RARB: variants seen among roughly 807,000 people sequenced by gnomAD.
RARB encodes the protein HBV-activated protein.
In RARB, 17 loss-of-function variants were observed where a neutral mutation model predicts 51.9. That is an observed-to-expected ratio of 0.33 (90% confidence interval 0.22 to 0.49). RARB has a LOEUF of 0.49. RARB is among the 20% of genes least tolerant of loss of function. RARB has a pLI of 0.99. For synonymous variants in RARB, 215 were observed against 195.4 expected (o/e 1.10, Z -0.84); for missense variants, 369 against 550.8 (o/e 0.67, Z 3.30).
intron 3 of RARB, among the ~76,000 whole-genome samples, chr3:25,102,677 A>G (rs1699427151): frequency 6.6e-6 from 1 of 152,132 alleles, no homozygotes; most frequent in Non-Finnish European, 1.5e-5. Flanking sequence ...TTGCCTCTAA[A>G]TGAGTTATGA....
intron 2 of RARB, among the ~76,000 whole-genome samples, chr3:25,017,179 T>C (rs1697527866): frequency 6.6e-6 from 1 of 152,016 alleles, no homozygotes; most frequent in Non-Finnish European, 1.5e-5. Context: ...AATGTTTGGA[T>C]CCTGGCCTCG....
intron 2 of RARB, among the ~76,000 whole-genome samples, chr3:25,471,197 T>G (rs532540375): frequency 1.3e-5 from 2 of 152,218 alleles, no homozygotes; most frequent in East Asian, 3.9e-4. Context: ...GTCTAGCTCA[T>G]TTCTTAGTAA....
chr3:24,982,945 T>G (rs1468317907), intron 2 of RARB, among the ~76,000 whole-genome samples: 1 of 152,248 alleles, frequency 6.6e-6, no homozygotes, highest in Non-Finnish European at 1.5e-5. Context: ...AAGTAAGAAT[T>G]CTTTTTGAAA....
At chr3:25,457,518 C>T (rs544221469) in intron 1 of RARB, among the ~76,000 whole-genome samples, 1 of 152,312 alleles carries the variant, frequency 6.6e-6, no homozygotes, top group Admixed American at 6.5e-5. Flanking sequence ...GAAAAGCCTT[C>T]TGGATTCATT....
intron 2 of RARB, among the ~76,000 whole-genome samples, chr3:24,908,060 C>G (rs916367642): frequency 3.3e-5 from 5 of 152,008 alleles, no homozygotes; most frequent in African/African-American, 4.8e-5. Flanking sequence ...GAGAGGTATT[C>G]CTTTCCTGTT....
chr3:25,280,016 C>T (rs780906630), intron 5 of RARB, among the ~76,000 whole-genome samples: 2 of 152,048 alleles, frequency 1.3e-5, no homozygotes, highest in Non-Finnish European at 2.9e-5. Flanking sequence ...GCTTCCATAA[C>T]AAAAGGCAGA....
At chr3:25,205,597 A>T (rs1701519764) in intron 5 of RARB, among the ~76,000 whole-genome samples, 1 of 152,186 alleles carries the variant, frequency 6.6e-6, no homozygotes, top group Non-Finnish European at 1.5e-5. Context: ...ACCCAAAAAA[A>T]ATAAATGCTT....
At chr3:25,449,950 C>G (rs868313496) in intron 1 of RARB, among the ~76,000 whole-genome samples, 2 of 152,046 alleles carry the variant, frequency 1.3e-5, no homozygotes, top group Non-Finnish European at 1.5e-5. Flanking sequence ...TGGGGTTTCA[C>G]TACGTTGGCC....
At chr3:25,328,472 A>C (rs1704790472) in intron 5 of RARB, among the ~76,000 whole-genome samples, 1 of 152,242 alleles carries the variant, frequency 6.6e-6, no homozygotes, top group Admixed American at 6.5e-5. Flanking sequence ...GTGAGCTGAG[A>C]TCATGCCACT....
At chr3:25,209,597 C>G (rs1018585172) in intron 5 of RARB, among the ~76,000 whole-genome samples, 5 of 152,218 alleles carry the variant, frequency 3.3e-5, no homozygotes, top group Non-Finnish European at 7.3e-5. Context: ...TATATTTCGG[C>G]TCTTTCACCC....
intron 3 of RARB, among the ~76,000 whole-genome samples, chr3:25,089,484 C>T (rs950279528): frequency 3.1e-5 from 1 of 32,044 alleles, no homozygotes; most frequent in Non-Finnish European, 5.4e-5. Context: ...ACTCAATCAT[C>T]CCAAAAAAAA....
At chr3:25,157,714 C>G (rs1349803839) in intron 4 of RARB, among the ~76,000 whole-genome samples, 1 of 152,130 alleles carries the variant, frequency 6.6e-6, no homozygotes, top group East Asian at 1.9e-4. Context: ...TCTATATTAA[C>G]TCATTTGATC....
rs534241237 is a variant in RARB, at chr3:25,063,337, T to C, written c.-328+3161T>C. On this transcript the variant is annotated intron_variant, in intron 3 of 11. Coordinates refer to the RARB transcript ENST00000383772. ...AAGGTGTTATGTCTTCTGTATCTCTTTGTAACTGAGAGATATCAGATTTGA... is the reference window on the plus strand; with the variant it reads ...AAGGTGTTATGTCTTCTGTATCTCTCTGTAACTGAGAGATATCAGATTTGA... Among the ~76,000 whole-genome samples, 11 of 152,174 alleles carry C rather than the reference T, an allele frequency of 7.2e-5. 1 individual carries two copies. The Middle Eastern group carries it at 0.01, about 141-fold the overall frequency.
chr3:25,130,479 A>T (rs1239591084), intron 3 of RARB, among the ~76,000 whole-genome samples: 1 of 151,164 alleles, frequency 6.6e-6, no homozygotes, highest in Non-Finnish European at 1.5e-5. Flanking sequence ...GCATGTTGTC[A>T]TTTTTTTTTA....
At chr3:25,018,344 C>T (rs1306459696) in intron 2 of RARB, among the ~76,000 whole-genome samples, 1 of 152,126 alleles carries the variant, frequency 6.6e-6, no homozygotes, top group Non-Finnish European at 1.5e-5. Context: ...CATTCTTCCC[C>T]CTCTAATCTC....
At chr3:25,586,519 C>A (rs1361053485) in intron 5 of RARB, among the ~76,000 whole-genome samples, 1 of 152,124 alleles carries the variant, frequency 6.6e-6, no homozygotes, top group Non-Finnish European at 1.5e-5. Flanking sequence ...GAATATCACG[C>A]CTGTTAAGGC....
intron 5 of RARB, among the ~76,000 whole-genome samples, chr3:25,332,641 C>G (rs1704936461): frequency 1.3e-5 from 2 of 152,196 alleles, no homozygotes; most frequent in Non-Finnish European, 2.9e-5. Context: ...TCTCTCACCA[C>G]TCCTATTCAG....
chr3:25,245,219 C>T lies in RARB; in HGVS notation c.178+70644C>T, dbSNP rs558245972. On this transcript the variant is annotated intron_variant, in intron 5 of 11. Transcript: ENST00000383772. ...GTATCTTTAAGTGTGAGATGGGTCT[C>T]CTGAATACACCACACAGATGGGTTT... is the stretch of plus-strand genomic sequence containing the variant. Among the ~76,000 whole-genome samples, 155 of 152,204 alleles carry T rather than the reference C, an allele frequency of 1.0e-3. 1 individual carries two copies. The highest frequency in any genetic ancestry group is 3.4e-3 in the Middle Eastern group (1 of 294).
intron 3 of RARB, among the ~76,000 whole-genome samples, chr3:25,066,955 C>T (rs992452238): frequency 2.0e-5 from 3 of 152,102 alleles, no homozygotes; most frequent in Admixed American, 1.3e-4. Context: ...GGGCATTTCT[C>T]TCCAAAGCCC....
Sources: allele counts gnomAD v4.1 joint callset (sites outside exome capture counted in the v4.1 genomes callset), GRCh38; gene constraint gnomAD v4.1.1; transcripts MANE v1.5; gene names NCBI Gene and HGNC (gene_info 2026-07-23, HGNC 2026-07-21).